Variants in ROR1 observed in about 807,000 individuals in gnomAD.
The protein encoded by ROR1 is ROR family WNT receptor 1, also known as inactive tyrosine-protein kinase transmembrane receptor ROR1.
In ROR1, 19 loss-of-function variants were observed where a neutral mutation model predicts 78.8. That is an observed-to-expected ratio of 0.24 (90% CI 0.17 to 0.35). ROR1 has a LOEUF of 0.35. ROR1 is among the 10% of genes least tolerant of loss of function. The pLI, the probability that ROR1 is intolerant of heterozygous loss-of-function variation, is 1.00. For synonymous variants in ROR1, 386 were observed against 433.6 expected (o/e 0.89, Z 1.36); for missense variants, 917 against 1,177.8 (o/e 0.78, Z 3.24).
intron 1 of ROR1, among the ~76,000 whole-genome samples, chr1:63,777,541 G>T (rs1054258530): frequency 1.1e-4 from 16 of 152,168 alleles, no homozygotes; most frequent in Admixed American, 3.3e-4. Flanking sequence ...CAGTATACAT[G>T]GTAGGCTGTT....
At chr1:63,984,986 C>T (rs1244053647) in intron 1 of ROR1, among the ~76,000 whole-genome samples, 1 of 152,168 alleles carries the variant, frequency 6.6e-6, no homozygotes, top group African/African-American at 2.4e-5. Flanking sequence ...GGAGGGCTGT[C>T]TTTTCACAAT....
At chr1:64,139,266 C>T (rs1035298478) in intron 5 of ROR1, among the ~76,000 whole-genome samples, 5 of 150,918 alleles carry the variant, frequency 3.3e-5, no homozygotes, top group South Asian at 2.1e-4. Context: ...TGGGTATCAG[C>T]CTGGTGGAAA....
intron 4 of ROR1, among the ~76,000 whole-genome samples, chr1:64,135,181 G>A (rs975899657): frequency 6.6e-6 from 1 of 152,154 alleles, no homozygotes; most frequent in Non-Finnish European, 1.5e-5. Context: ...TAATACACCT[G>A]CAGTTCTAAG....
chr1:63,956,371 G>A (rs1645982124), intron 1 of ROR1, among the ~76,000 whole-genome samples: 1 of 152,172 alleles, frequency 6.6e-6, no homozygotes, highest in African/African-American at 2.4e-5. Flanking sequence ...AGAGGAAAGT[G>A]GATGGAACCA....
chr1:63,870,892 T>C (rs980350992), intron 1 of ROR1, among the ~76,000 whole-genome samples: 3 of 152,172 alleles, frequency 2.0e-5, no homozygotes, highest in Non-Finnish European at 4.4e-5. Context: ...TAGAGGATAG[T>C]AGTGGCTTGA....
At chr1:63,923,288 A>G (rs1056386681) in intron 1 of ROR1, among the ~76,000 whole-genome samples, 19 of 152,140 alleles carry the variant, frequency 1.2e-4, no homozygotes, top group African/African-American at 4.6e-4. Flanking sequence ...AATCTTGAAA[A>G]GGTGATTGAC....
At chr1:63,976,614 A>C (rs184691405) in intron 1 of ROR1, among the ~76,000 whole-genome samples, 74 of 152,300 alleles carry the variant, frequency 4.9e-4, no homozygotes, top group Admixed American at 1.0e-3. Context: ...TAGCATAAGG[A>C]GAATCTAGAT....
At position 64,140,151 on chromosome 1, in the gene ROR1, A is replaced by T; in HGVS notation, c.653A>T (p.Lys218Met). ...GGCACTTCCAGTCACTTATCTGATA[A>T]GTGTTCTCAGTTCGCCATTCCTTCC... ...MIGTSSHLSD[K>M]CSQFAIPSLC... is the part of the protein sequence containing the mutation. Residue 218 changes from lysine (K) to methionine (M), a missense_variant, in exon 6 of 9, where the codon AAG (lysine) becomes ATG (methionine). Lys to Met is a moderately conservative substitution (Grantham distance 95). Around this residue, in one of 3 missense-constraint regions of ROR1, gnomAD observed 835 missense variants for 1,069.8 expected, o/e 0.78. Coordinates refer to ENST00000371079, the MANE Select transcript of ROR1 (RefSeq NM_005012.4). 6.2e-7 allele frequency: 1 copy of T among 1,614,134 alleles called. No individual in the cohort carries two copies. The highest frequency in any genetic ancestry group is 8.5e-7 in the Non-Finnish European group (1 of 1,180,014).
chr1:63,970,983 G>A (rs192664896), intron 1 of ROR1, among the ~76,000 whole-genome samples: 37 of 152,300 alleles, frequency 2.4e-4, no homozygotes, highest in African/African-American at 8.7e-4. Context: ...AGCGAGCCTG[G>A]CTAATAAGGC....
chr1:63,991,056 C>T (rs1034640222), intron 1 of ROR1, among the ~76,000 whole-genome samples: 1 of 152,022 alleles, frequency 6.6e-6, no homozygotes, highest in Non-Finnish European at 1.5e-5. Flanking sequence ...ATAGCTTGGA[C>T]CACAGGTGCA....
chr1:63,963,024 G>A (rs1646044458), intron 1 of ROR1, among the ~76,000 whole-genome samples: 3 of 152,146 alleles, frequency 2.0e-5, no homozygotes, highest in South Asian at 2.1e-4. Context: ...TCTTGTTCGG[G>A]TTGGTTGACT....
chr1:64,016,800 T>C (rs1304339191), intron 2 of ROR1, among the ~76,000 whole-genome samples: 1 of 150,764 alleles, frequency 6.6e-6, no homozygotes, highest in Non-Finnish European at 1.5e-5. Context: ...CTGATCATTA[T>C]TATAACTAGA....
chr1:64,090,831 A>AT (rs1406719798), intron 4 of ROR1, among the ~76,000 whole-genome samples: 21 of 152,082 alleles, frequency 1.4e-4, no homozygotes, highest in African/African-American at 4.6e-4. Context: ...TCCCTGGTGG[A>AT]TTTCCTTTTC....
intron 4 of ROR1, among the ~76,000 whole-genome samples, chr1:64,128,406 C>G (rs1242126568): frequency 6.6e-6 from 1 of 151,818 alleles, no homozygotes; most frequent in Non-Finnish European, 1.5e-5. Flanking sequence ...AAGTTTGAGG[C>G]TGCAGTGAGC....
At position 63,903,454 on chromosome 1, in the gene ROR1, C is replaced by T. The variant is rs545151562; in HGVS notation, c.92-105851C>T. Among the ~76,000 whole-genome samples, 15 of 151,488 alleles carry T rather than the reference C, an allele frequency of 9.9e-5. No homozygotes were observed. In the East Asian group the frequency reaches 2.9e-3, roughly 29 times the overall value. On this transcript the variant is annotated intron_variant, in intron 1 of 8. Coordinates refer to ENST00000371079, the MANE Select transcript of ROR1 (RefSeq NM_005012.4). ...TTTAGGTTTTTTTTTTTACCCACTT[C>T]ACTGATTTTATTTATGTGTTTGTCT...
chr1:64,145,500 T>C lies in ROR1; in HGVS notation c.1174+2850T>C, dbSNP rs1649449686. Among the ~76,000 whole-genome samples the C allele has an allele frequency of 2.0e-5, 3 of 152,326 alleles. No homozygotes were observed. In the South Asian group the frequency reaches 6.2e-4, roughly 32 times the overall value. ...ATTTTAGAAAGATCACCACACCCCCTTTGTGTTGCCGGGTTTCATACACCT... is the reference window on the plus strand; with the variant it reads ...ATTTTAGAAAGATCACCACACCCCCCTTGTGTTGCCGGGTTTCATACACCT... On this transcript the variant is annotated intron_variant, in intron 7 of 8. Transcript: ENST00000371079.
chr1:64,153,838 A>C (rs1411002800), intron 7 of ROR1, among the ~76,000 whole-genome samples: 1 of 152,214 alleles, frequency 6.6e-6, no homozygotes, highest in African/African-American at 2.4e-5. Flanking sequence ...ACAAGAATAA[A>C]TATATGTAAC....
At chr1:64,133,778 T>C (rs1649007437) in intron 4 of ROR1, among the ~76,000 whole-genome samples, 1 of 152,202 alleles carries the variant, frequency 6.6e-6, no homozygotes, top group Non-Finnish European at 1.5e-5. Flanking sequence ...GCACTTTTGC[T>C]ACCTTGCCAC....
chr1:63,890,830 GT>G (rs1245136833), intron 1 of ROR1, among the ~76,000 whole-genome samples: 1 of 152,092 alleles, frequency 6.6e-6, no homozygotes, highest in Non-Finnish European at 1.5e-5. Context: ...AAACTAGAAT[GT>G]TTTTCTAGGA....
Sources: allele counts gnomAD v4.1 joint callset (sites outside exome capture counted in the v4.1 genomes callset), GRCh38; gene constraint gnomAD v4.1.1; regional missense constraint gnomAD v4.1.1; transcripts MANE v1.5; gene names NCBI Gene and HGNC (gene_info 2026-07-23, HGNC 2026-07-21).